Variants in TECRL observed in about 807,000 individuals in gnomAD.
TECRL encodes the protein trans-2,3-enoyl-CoA reductase like, also known as trans-2,3-enoyl-CoA reductase-like.
A neutral mutation model predicts 52.8 loss-of-function variants in TECRL; 63 were observed. The observed-to-expected ratio is 1.19, with a 90% CI of 0.97 to 1.47. TECRL has a LOEUF of 1.47. TECRL is among the 40% of genes most tolerant of loss of function. The pLI, the probability that TECRL is intolerant of heterozygous loss-of-function variation, is 0.00. For synonymous variants in TECRL, 164 were observed against 141.9 expected (o/e 1.16, Z -1.10); for missense variants, 482 against 429.6 (o/e 1.12, Z -1.08).
intron 2 of TECRL, among the ~76,000 whole-genome samples, chr4:64,346,292 C>A (rs1222461460): frequency 6.6e-6 from 1 of 152,182 alleles, no homozygotes; most frequent in African/African-American, 2.4e-5. Context: ...TTTCTCACAG[C>A]CCCACTAGGC....
intron 3 of TECRL, among the ~76,000 whole-genome samples, chr4:64,324,517 C>T (rs1315041928): frequency 1.3e-5 from 2 of 151,790 alleles, no homozygotes; most frequent in African/African-American, 4.8e-5. Context: ...TTTGCATCTA[C>T]CATTAGATGA....
At chr4:64,329,474 T>C (rs925668611) in intron 2 of TECRL, among the ~76,000 whole-genome samples, 1 of 151,838 alleles carries the variant, frequency 6.6e-6, no homozygotes, top group African/African-American at 2.4e-5. Flanking sequence ...AATATATTAC[T>C]AGTTGAAAGA....
chr4:64,310,880 G>A (rs762838292), intron 5 of TECRL, among the ~76,000 whole-genome samples: 24 of 151,972 alleles, frequency 1.6e-4, no homozygotes, highest in African/African-American at 4.8e-4. Context: ...CGCCATGCCC[G>A]GCTAATTTTT....
intron 2 of TECRL, among the ~76,000 whole-genome samples, chr4:64,373,862 T>C (rs922833048): frequency 3.5e-5 from 5 of 144,552 alleles, no homozygotes; most frequent in Non-Finnish European, 7.6e-5. Context: ...TATGCTAAGA[T>C]AGAAATAACT....
chr4:64,322,623 A>G, intron 4 of TECRL, 66 bp downstream of exon 4: 1 of 1,110,678 alleles, frequency 9.0e-7, no homozygotes, highest in Admixed American at 2.4e-5. Flanking sequence ...GATAGAATTA[A>G]TCTGTCAATA....
intron 6 of TECRL, among the ~76,000 whole-genome samples, chr4:64,308,943 A>C (rs1378643076): frequency 1.3e-5 from 2 of 152,204 alleles, no homozygotes; most frequent in African/African-American, 4.8e-5. Flanking sequence ...AAGATACACT[A>C]ATATTTTTCT....
chr4:64,313,201 A>C (rs563487709), intron 5 of TECRL, among the ~76,000 whole-genome samples: 4 of 152,234 alleles, frequency 2.6e-5, no homozygotes, highest in African/African-American at 9.6e-5. Flanking sequence ...GTTAGGATGA[A>C]ATTAGTTCTT....
chr4:64,345,462 A>G (rs190115978), intron 2 of TECRL, among the ~76,000 whole-genome samples: 22 of 147,830 alleles, frequency 1.5e-4, no homozygotes, highest in Non-Finnish European at 3.0e-4. Flanking sequence ...AAAAAACCAA[A>G]CACCACATGT....
At chr4:64,302,757 T>C (rs1724095570) in intron 7 of TECRL, among the ~76,000 whole-genome samples, 1 of 151,352 alleles carries the variant, frequency 6.6e-6, no homozygotes, top group African/African-American at 2.4e-5. Flanking sequence ...AAAACAAAAA[T>C]TAAAAGAATT....
chr4:64,343,932 T>A (rs1577906458), intron 2 of TECRL, among the ~76,000 whole-genome samples: 1 of 151,878 alleles, frequency 6.6e-6, no homozygotes, highest in African/African-American at 2.4e-5. Context: ...GAAAGCTTTT[T>A]AAAAAAATAC....
At chr4:64,351,294 CT>C (rs71203163) in intron 2 of TECRL, among the ~76,000 whole-genome samples, 6 of 149,840 alleles carry the variant, frequency 4.0e-5, no homozygotes, top group African/African-American at 7.3e-5. Context: ...GAAAAGGGAA[CT>C]TTTTTTTTGG....
intron 7 of TECRL, among the ~76,000 whole-genome samples, chr4:64,302,529 A>G (rs987377848): frequency 2.6e-5 from 4 of 151,550 alleles, no homozygotes; most frequent in African/African-American, 4.8e-5. Flanking sequence ...TACCTTATAT[A>G]AAGTGAAAGT....
At chr4:64,350,812 A>C (rs1245663403) in intron 2 of TECRL, among the ~76,000 whole-genome samples, 1 of 151,766 alleles carries the variant, frequency 6.6e-6, no homozygotes, top group African/African-American at 2.4e-5. Context: ...CACCCTCCAC[A>C]TTCTTTTGGT....
chr4:64,381,171 A>C (rs1722764862), intron 1 of TECRL, among the ~76,000 whole-genome samples: 2 of 152,134 alleles, frequency 1.3e-5, no homozygotes, highest in South Asian at 4.1e-4. Context: ...AGATAAAATT[A>C]TTGATTTAGT....
At chr4:64,317,142 G>T (rs1171778726) in intron 4 of TECRL, among the ~76,000 whole-genome samples, 2 of 152,092 alleles carry the variant, frequency 1.3e-5, no homozygotes, top group Non-Finnish European at 2.9e-5. Context: ...GCCGGGCGTG[G>T]TGGCAGGTGC....
chr4:64,328,393 G>T, intron 3 of TECRL, 119 bp downstream of exon 3: 1 of 741,662 alleles, frequency 1.3e-6, no homozygotes, highest in Non-Finnish European at 2.1e-6. Flanking sequence ...TTTGTTGGGC[G>T]AATCAATTAA....
At chr4:64,401,803 A>G (rs575491823) in intron 1 of TECRL, among the ~76,000 whole-genome samples, 40 of 152,300 alleles carry the variant, frequency 2.6e-4, no homozygotes, top group Non-Finnish European at 4.9e-4. Flanking sequence ...TTTTTAAACT[A>G]GTGTTTCCAG....
intron 1 of TECRL, among the ~76,000 whole-genome samples, chr4:64,377,488 A>G (rs578108691): frequency 6.6e-6 from 1 of 152,208 alleles, no homozygotes; most frequent in South Asian, 2.1e-4. Context: ...ATAAACTATC[A>G]TCGTGATAAT....
chr4:64,337,745 G>A (rs1367994874), intron 2 of TECRL, among the ~76,000 whole-genome samples: 2 of 152,152 alleles, frequency 1.3e-5, no homozygotes, highest in Non-Finnish European at 2.9e-5. Context: ...TCTTCAAGGA[G>A]AACTACAAAC....
Sources: gnomAD v4.1 joint callset for allele counts (sites outside exome capture counted in the v4.1 genomes callset) on GRCh38, gnomAD v4.1.1 for gene constraint, MANE v1.5 for transcripts, NCBI Gene and HGNC (gene_info 2026-07-23, HGNC 2026-07-21) for gene names.